Variants in OPRM1 observed in about 807,000 individuals in gnomAD.
OPRM1 encodes mu-type opioid receptor.
In OPRM1, 27 loss-of-function variants were observed where a neutral mutation model predicts 31.8. The observed-to-expected ratio is 0.85, with a 90% confidence interval of 0.63 to 1.17. OPRM1 has a LOEUF of 1.17. OPRM1 is among the 50% of genes most tolerant of loss of function. The pLI, the probability that OPRM1 is intolerant of heterozygous loss-of-function variation, is 0.00. For synonymous variants in OPRM1, 196 were observed against 189.9 expected, an observed-to-expected ratio of 1.03 and a Z score of -0.26; for missense variants, 536 against 511.1, an observed-to-expected ratio of 1.05 and a Z score of -0.47.
chr6:154,178,615 A>C (rs1307081264), intron 3 of OPRM1, among the ~76,000 whole-genome samples: 4 of 152,236 alleles, frequency 2.6e-5, no homozygotes, highest in Non-Finnish European at 4.4e-5. Context: ...ACAAACAGAT[A>C]AAGTGAACCT....
In OPRM1 at chr6:154,120,406, T is replaced by G. The variant is rs1411306099; in HGVS notation, c.*1685T>G. On this transcript the variant is annotated 3_prime_UTR_variant, in exon 4 of 4. Transcript: ENST00000330432. ...ACAAAAGCCAAAATAAGTTTTTTAGTGTTTCCTTCTGATGAAGTTTCATGT... is the reference window on the plus strand; with the variant it reads ...ACAAAAGCCAAAATAAGTTTTTTAGGGTTTCCTTCTGATGAAGTTTCATGT... Among the ~76,000 whole-genome samples the G allele has an allele frequency of 6.6e-6, 1 of 152,178 alleles. No homozygotes were observed. Among genetic ancestry groups the G allele is most frequent in the Non-Finnish European group, 1.5e-5 (1 of 68,020 alleles).
At chr6:154,070,282 A>C (rs929920343) in intron 1 of OPRM1, among the ~76,000 whole-genome samples, 1 of 152,202 alleles carries the variant, frequency 6.6e-6, no homozygotes, top group African/African-American at 2.4e-5. Flanking sequence ...AACCAAAATA[A>C]ACCAAGTTTA....
intron 1 of OPRM1, among the ~76,000 whole-genome samples, chr6:154,070,413 G>A (rs138804727): frequency 5.9e-5 from 9 of 152,306 alleles, no homozygotes; most frequent in Non-Finnish European, 1.0e-4. Context: ...GATTCTTGAT[G>A]CTTCTACTCA....
At chr6:154,070,952 T>A (rs1400592153) in intron 1 of OPRM1, among the ~76,000 whole-genome samples, 1 of 152,192 alleles carries the variant, frequency 6.6e-6, no homozygotes, top group Non-Finnish European at 1.5e-5. Context: ...TTCTTAATCC[T>A]TTAACAATTA....
At chr6:154,049,415 C>T (rs192565441) in intron 1 of OPRM1, among the ~76,000 whole-genome samples, 9 of 152,270 alleles carry the variant, frequency 5.9e-5, no homozygotes, top group Non-Finnish European at 1.2e-4. Context: ...TACCTGGGAA[C>T]CTGCACAGAG....
intron 1 of OPRM1, among the ~76,000 whole-genome samples, chr6:154,063,257 A>G (rs1420514727): frequency 3.3e-5 from 5 of 151,992 alleles, no homozygotes; most frequent in Non-Finnish European, 7.4e-5. Flanking sequence ...TACTACTAGA[A>G]TTTTTGTGAA....
intron 1 of OPRM1, among the ~76,000 whole-genome samples, chr6:154,049,617 A>G (rs1457193470): frequency 6.6e-6 from 1 of 152,234 alleles, no homozygotes; most frequent in Non-Finnish European, 1.5e-5. Flanking sequence ...TTGAAACACT[A>G]GTAAAGAAGA....
chr6:154,022,395 C>T (rs977378070), intron 1 of OPRM1, among the ~76,000 whole-genome samples: 1 of 152,156 alleles, frequency 6.6e-6, no homozygotes, highest in Non-Finnish European at 1.5e-5. Context: ...GGCTTCCGCC[C>T]TTCCTTCCAG....
At chr6:154,231,904 T>A (rs1169347408) in intron 3 of OPRM1, among the ~76,000 whole-genome samples, 2 of 152,234 alleles carry the variant, frequency 1.3e-5, no homozygotes, top group African/African-American at 2.4e-5. Context: ...CCTAATTGAA[T>A]GTAAACATGG....
downstream of OPRM1, among the ~76,000 whole-genome samples, chr6:154,133,665 T>C (rs1797985991): frequency 6.6e-6 from 1 of 152,258 alleles, no homozygotes; most frequent in Non-Finnish European, 1.5e-5. Context: ...TCAAGTTCAT[T>C]GTCATGTACC....
chr6:154,222,279 C>T (rs1003549997), intron 3 of OPRM1, among the ~76,000 whole-genome samples: 4 of 152,224 alleles, frequency 2.6e-5, no homozygotes, highest in African/African-American at 9.7e-5. Flanking sequence ...TTGTAAATAG[C>T]CAATCCTTTT....
intron 1 of OPRM1, among the ~76,000 whole-genome samples, chr6:154,076,555 C>T (rs529816085): frequency 7.2e-5 from 11 of 152,218 alleles, no homozygotes; most frequent in East Asian, 1.9e-4. Context: ...CGGTGGCTCA[C>T]GCCTGTAATC....
intron 3 of OPRM1, among the ~76,000 whole-genome samples, chr6:154,219,701 TG>T (rs1420688977): frequency 3.9e-5 from 6 of 152,160 alleles, no homozygotes; most frequent in Non-Finnish European, 8.8e-5. Context: ...TTCGTGTATC[TG>T]TTCTTATTTT....
At chr6:154,199,737 A>T in intron 3 of OPRM1, 2 of 1,614,240 alleles carry the variant, frequency 1.2e-6, no homozygotes, top group Non-Finnish European at 1.7e-6. Context: ...CTACTCAATG[A>T]AGAAGTATCA....
chr6:154,072,893 C>T (rs972705701), intron 1 of OPRM1, among the ~76,000 whole-genome samples: 2 of 152,198 alleles, frequency 1.3e-5, no homozygotes, highest in African/African-American at 4.8e-5. Context: ...CCTCTGCACA[C>T]GGATACCAGC....
intron 3 of OPRM1, among the ~76,000 whole-genome samples, chr6:154,152,392 G>GAAAGAAAGAAAGAAAGAAAGAAAGAA (rs200221407): frequency 6.6e-6 from 1 of 150,602 alleles, no homozygotes; most frequent in African/African-American, 2.4e-5. Flanking sequence ...AAGAAAGAAA[G>GAAAGAAAGAAAGAAAGAAAGAAAGAA]AGAAATAGTG....
exon 1 of OPRM1, chr6:154,010,879 A>G: frequency 7.6e-7 from 1 of 1,319,586 alleles, no homozygotes; most frequent in Non-Finnish European, 9.8e-7. Flanking sequence ...CATGCAATAA[A>G]TGTAATTCTA....
intron 1 of OPRM1, among the ~76,000 whole-genome samples, chr6:154,056,168 G>T (rs901759261): frequency 6.6e-6 from 1 of 151,756 alleles, no homozygotes; most frequent in Admixed American, 6.6e-5. Context: ...TCTGTCACCA[G>T]GCTGGAGTGC....
intron 3 of OPRM1, chr6:154,212,802 G>T: frequency 5.6e-6 from 9 of 1,613,610 alleles, no homozygotes; most frequent in Non-Finnish European, 7.6e-6. Flanking sequence ...TGAGGAGGGG[G>T]TGGTGTCTCC....
Sources: gnomAD v4.1 joint callset for allele counts (sites outside exome capture counted in the v4.1 genomes callset) on GRCh38, gnomAD v4.1.1 for gene constraint, MANE v1.5 for transcripts, NCBI Gene and HGNC (gene_info 2026-07-23, HGNC 2026-07-21) for gene names.